GNAL: variants seen among roughly 807,000 people sequenced by gnomAD.
The protein encoded by GNAL is G protein subunit alpha L.
Under a neutral mutation model 55.1 loss-of-function variants are expected in GNAL, and 18 were observed. The ratio of observed to expected loss-of-function variants is 0.33; its 90% confidence interval spans 0.23 to 0.48. The LOEUF is 0.48. GNAL is among the 20% of genes least tolerant of loss of function. The pLI, the probability that GNAL is intolerant of heterozygous loss-of-function variation, is 0.99. For missense variants in GNAL, 412 were observed against 614.1 expected, an observed-to-expected ratio of 0.67 and a Z score of 3.48; for synonymous variants, 253 against 237.0, an observed-to-expected ratio of 1.07 and a Z score of -0.62.
At chr18:11,850,693 C>T (rs1272340) in intron 5 of GNAL, among the ~76,000 whole-genome samples, 150,444 of 152,354 alleles carry the variant, frequency 0.99, 74,301 homozygotes, top group East Asian at 1. Flanking sequence ...ATCAAAAAGA[C>T]AGAATGGTGT....
chr18:11,855,219 C>T lies in GNAL; in HGVS notation c.723-7176C>T, dbSNP rs373797422. Among the ~76,000 whole-genome samples, 8 of 152,282 alleles carry T rather than the reference C, an allele frequency of 5.3e-5. No homozygotes were observed. In the South Asian group the frequency reaches 1.0e-3, roughly 20 times the overall value. ...CCTCCCAAAGTGCTGGGATTACAGG[C>T]GTGAGCCACCGCGCCCGGTCCCCTG... On this transcript the variant is annotated intron_variant, in intron 5 of 11. Transcript: ENST00000334049.
intron 4 of GNAL, among the ~76,000 whole-genome samples, chr18:11,786,099 G>A (rs931963613): frequency 1.3e-5 from 2 of 152,088 alleles, no homozygotes; most frequent in Non-Finnish European, 2.9e-5. Context: ...TTATCCTGTC[G>A]GCCTTTTGTG....
intron 1 of GNAL, among the ~76,000 whole-genome samples, chr18:11,737,922 C>T (rs1157010155): frequency 6.6e-6 from 1 of 152,204 alleles, no homozygotes; most frequent in Non-Finnish European, 1.5e-5. Flanking sequence ...TCCCCCTGCA[C>T]CCACAGGAGC....
intron 1 of GNAL, among the ~76,000 whole-genome samples, chr18:11,715,149 A>G (rs1254805170): frequency 2.0e-5 from 3 of 150,762 alleles, no homozygotes; most frequent in Admixed American, 6.6e-5. Flanking sequence ...TGTCTCAAAA[A>G]AAAAAAGAAA....
At chr18:11,848,229 G>A (rs1324431204) in intron 5 of GNAL, among the ~76,000 whole-genome samples, 1 of 152,120 alleles carries the variant, frequency 6.6e-6, no homozygotes, top group Non-Finnish European at 1.5e-5. Context: ...AATGGCTGGG[G>A]TGTTGATAAG....
rs528383623 is a variant in GNAL at position 11,854,975 on chromosome 18, T to C, written c.723-7420T>C. 2.6e-5 allele frequency among the ~76,000 whole-genome samples: 4 copies of C among 152,304 alleles called. No homozygotes were observed. In the East Asian group the frequency reaches 7.7e-4, roughly 29 times the overall value. ...AGTCTCACTGTCGCCCAGGCTGAAGTGCCACCACGATCTCGGCTCACTGCT... is the reference window on the plus strand; with the variant it reads ...AGTCTCACTGTCGCCCAGGCTGAAGCGCCACCACGATCTCGGCTCACTGCT... On this transcript the variant is annotated intron_variant, in intron 5 of 11. Coordinates refer to ENST00000334049, the MANE Select transcript of GNAL (RefSeq NM_182978.4).
intron 4 of GNAL, among the ~76,000 whole-genome samples, chr18:11,806,476 G>C (rs1361285049): frequency 2.0e-5 from 3 of 152,164 alleles, no homozygotes; most frequent in East Asian, 3.9e-4. Context: ...ATAGTTTCAA[G>C]TCTTACAATT....
At position 11,689,493 on chromosome 18, in the gene GNAL, C is replaced by G. The variant is rs554303443; in HGVS notation, c.-71C>G. 1 of 722,334 alleles carries G rather than the reference C, an allele frequency of 1.4e-6. No individual in the cohort carries two copies. Among genetic ancestry groups the G allele is most frequent in the East Asian group, 3.7e-5 (1 of 27,350 alleles). The allele number at this position is 722,334 out of a possible 1,614,324, so 44.7% of individuals were successfully genotyped here. ...CTGAGGCGCCGGCCTGAACTGGGCGCGGGAACCAGGCCGCCCTCGGCGCCC... is the reference window on the plus strand; with the variant it reads ...CTGAGGCGCCGGCCTGAACTGGGCGGGGGAACCAGGCCGCCCTCGGCGCCC... On this transcript the variant is annotated 5_prime_UTR_variant, in exon 1 of 12. Transcript: ENST00000334049.
At position 11,752,654 on chromosome 18, in the gene GNAL, C is replaced by T; in HGVS notation, c.377-199C>T. The T allele has an allele frequency of 1.5e-6, 2 of 1,353,464 alleles. No homozygotes were observed. The highest frequency in any genetic ancestry group is 1.9e-6 in the Non-Finnish European group (2 of 1,042,510). 83.8% of individuals were successfully genotyped at this position (1,353,464 alleles called of 1,614,324 possible). A position where few individuals can be genotyped will look rare whatever the true frequency, so the allele number is the denominator to read the frequency against. On this transcript the variant is annotated intron_variant, in intron 1 of 11. Coordinates refer to ENST00000334049, the MANE Select transcript of GNAL (RefSeq NM_182978.4). The surrounding 1 kb of genome is among the most constrained non-coding windows in gnomAD (Gnocchi z 4.5). Reference sequence around the variant, plus strand: ...CAGGAGCGGCGAGCGCCAGGCTGGGCGGGCAGGGCCGGGCGAGGGTCGCGC... The same window carrying T: ...CAGGAGCGGCGAGCGCCAGGCTGGGTGGGCAGGGCCGGGCGAGGGTCGCGC...
chr18:11,789,133 G>A (rs904909458), intron 4 of GNAL, among the ~76,000 whole-genome samples: 6 of 151,608 alleles, frequency 4.0e-5, no homozygotes, highest in African/African-American at 1.5e-4. Context: ...CTTCATTTCA[G>A]GTCACACCTC....
chr18:11,785,792 C>T (rs898045025), intron 4 of GNAL, among the ~76,000 whole-genome samples: 1 of 152,150 alleles, frequency 6.6e-6, no homozygotes, highest in Non-Finnish European at 1.5e-5. Context: ...GCGATGGCCT[C>T]GGCCATGAAT....
chr18:11,742,497 G>A (rs76438559), intron 1 of GNAL, among the ~76,000 whole-genome samples: 296 of 152,320 alleles, frequency 1.9e-3, no homozygotes, highest in African/African-American at 6.8e-3. Flanking sequence ...ACCTCTGCTG[G>A]CATTCTTGTT....
chr18:11,724,178 A>G (rs1237671129), intron 1 of GNAL, among the ~76,000 whole-genome samples: 1 of 152,192 alleles, frequency 6.6e-6, no homozygotes, highest in Non-Finnish European at 1.5e-5. Flanking sequence ...AAAGAGGTTT[A>G]ATTGGCTCAC....
In GNAL at chr18:11,690,322, T is replaced by C. The variant is rs2031203112; in HGVS notation, c.376+383T>C. Reference sequence around the variant, plus strand: ...CTCACTTCCTGCTACACGAGGAGGCTGGCAGTTTGTTTTAAGAACACAGAT... The same window carrying C: ...CTCACTTCCTGCTACACGAGGAGGCCGGCAGTTTGTTTTAAGAACACAGAT... On this transcript the variant is annotated intron_variant, in intron 1 of 11. Transcript: ENST00000334049. 5.3e-5 allele frequency among the ~76,000 whole-genome samples: 8 copies of C among 152,154 alleles called. No individual in the cohort carries two copies. In the South Asian group the frequency reaches 1.7e-3, roughly 31 times the overall value.
intron 5 of GNAL, chr18:11,852,811 CCTTT>C (rs568567690): frequency 1.9e-3 from 312 of 167,012 alleles, no homozygotes; most frequent in Non-Finnish European, 3.4e-3. Context: ...CGAATAACTT[CCTTT>C]ATTATCTGGA....
intron 4 of GNAL, among the ~76,000 whole-genome samples, chr18:11,784,028 C>T (rs1386544356): frequency 6.6e-6 from 1 of 152,256 alleles, no homozygotes; most frequent in East Asian, 1.9e-4. Flanking sequence ...CTCCAGGCCC[C>T]CTGGTACCTG....
chr18:11,838,725 G>A (rs939519279), intron 5 of GNAL, among the ~76,000 whole-genome samples: 2 of 152,034 alleles, frequency 1.3e-5, no homozygotes, highest in Admixed American at 6.6e-5. Flanking sequence ...GAGAGGATGC[G>A]GTATGAGATC....
intron 1 of GNAL, among the ~76,000 whole-genome samples, chr18:11,734,957 G>C (rs1386892356): frequency 6.8e-6 from 1 of 146,354 alleles, no homozygotes; most frequent in Non-Finnish European, 1.5e-5. Flanking sequence ...GAGCATCCTA[G>C]ATAAAGAGAA....
At chr18:11,813,247 T>TC (rs1373324390) in intron 4 of GNAL, among the ~76,000 whole-genome samples, 1 of 8,380 alleles carries the variant, frequency 1.2e-4, no homozygotes, top group East Asian at 3.1e-3. Flanking sequence ...AGGGTGAGAC[T>TC]CCATCTTAAA....
Sources: gnomAD v4.1 joint callset for allele counts (sites outside exome capture counted in the v4.1 genomes callset) on GRCh38, gnomAD v4.1.1 for gene constraint, Gnocchi (gnomAD v3.1) non-coding constraint, MANE v1.5 for transcripts, NCBI Gene and HGNC (gene_info 2026-07-23, HGNC 2026-07-21) for gene names.